Variants in KCNQ3 observed in about 807,000 individuals in gnomAD.
The protein encoded by KCNQ3 is potassium voltage-gated channel subfamily KQT member 3.
A neutral mutation model predicts 92.5 loss-of-function variants in KCNQ3; 30 were observed. The observed-to-expected ratio is 0.32, with a 90% CI of 0.24 to 0.44. The LOEUF is 0.44. Among genes scored for constraint, KCNQ3 ranks in the 20% least tolerant of loss-of-function variants. The pLI, the probability that KCNQ3 is intolerant of heterozygous loss-of-function variation, is 1.00. For synonymous variants in KCNQ3, 450 were observed against 468.8 expected (o/e 0.96, Z 0.52); for missense variants, 913 against 1,140.3 (o/e 0.80, Z 2.87).
intron 1 of KCNQ3, among the ~76,000 whole-genome samples, chr8:132,227,526 C>T (rs550838308): frequency 2.2e-4 from 33 of 152,308 alleles, no homozygotes; most frequent in African/African-American, 7.5e-4. Flanking sequence ...CGTGGACTTC[C>T]AGCCCCCAGA....
At chr8:132,471,871 C>T (rs574083822) in intron 1 of KCNQ3, among the ~76,000 whole-genome samples, 17 of 151,994 alleles carry the variant, frequency 1.1e-4, no homozygotes, top group African/African-American at 3.9e-4. Context: ...AACTATTCAT[C>T]GACAAGGGAC....
intron 1 of KCNQ3, among the ~76,000 whole-genome samples, chr8:132,415,933 G>A (rs1473548815): frequency 6.6e-6 from 1 of 152,170 alleles, no homozygotes; most frequent in Non-Finnish European, 1.5e-5. Flanking sequence ...CTACTCATGT[G>A]CATGAGAGCC....
intron 1 of KCNQ3, among the ~76,000 whole-genome samples, chr8:132,479,017 C>G (rs1587058587): frequency 6.6e-6 from 1 of 152,032 alleles, no homozygotes; most frequent in Non-Finnish European, 1.5e-5. Flanking sequence ...AATTCCCTGC[C>G]AAAACCCTGG....
At chr8:132,420,500 A>G (rs137881025) in intron 1 of KCNQ3, among the ~76,000 whole-genome samples, 269 of 152,306 alleles carry the variant, frequency 1.8e-3, no homozygotes, top group African/African-American at 6.2e-3. Flanking sequence ...ATCCAGCACC[A>G]GGACTTGATG....
chr8:132,214,573 C>G (rs1195975918), intron 1 of KCNQ3, among the ~76,000 whole-genome samples: 2 of 152,202 alleles, frequency 1.3e-5, no homozygotes, highest in African/African-American at 2.4e-5. Context: ...CCTCCCTTCT[C>G]CATATGCACA....
chr8:132,209,529 CCACACACACACACAAACACA>C (rs1563805711), intron 1 of KCNQ3, among the ~76,000 whole-genome samples: 1 of 112,728 alleles, frequency 8.9e-6, no homozygotes, highest in African/African-American at 3.7e-5. Context: ...GTAATTCACA[CCACACACACACACAAACACA>C]CACACACACA....
intron 1 of KCNQ3, among the ~76,000 whole-genome samples, chr8:132,433,007 A>G (rs888017636): frequency 9.9e-5 from 15 of 152,218 alleles, no homozygotes; most frequent in African/African-American, 3.6e-4. Context: ...TCTTTCCTAC[A>G]TGGTAGATGA....
At chr8:132,381,845 G>C (rs1230626397) in intron 1 of KCNQ3, among the ~76,000 whole-genome samples, 16 of 152,348 alleles carry the variant, frequency 1.1e-4, no homozygotes, top group Admixed American at 1.0e-3. Flanking sequence ...CAGGGGATCA[G>C]TAAGGCCTGG....
At chr8:132,387,968 AAGG>A (rs1008567973) in intron 1 of KCNQ3, among the ~76,000 whole-genome samples, 2 of 151,098 alleles carry the variant, frequency 1.3e-5, no homozygotes, top group East Asian at 1.9e-4. Flanking sequence ...GAAGAAGAAG[AAGG>A]AGGAGAAGAG....
chr8:132,133,711 T>G (rs1025457875), intron 13 of KCNQ3, among the ~76,000 whole-genome samples: 7 of 152,204 alleles, frequency 4.6e-5, no homozygotes, highest in African/African-American at 1.7e-4. Flanking sequence ...ACTCCCTCAC[T>G]CATTGTGTTA....
intron 1 of KCNQ3, among the ~76,000 whole-genome samples, chr8:132,434,476 T>G (rs1821341629): frequency 6.6e-6 from 1 of 152,190 alleles, no homozygotes; most frequent in Non-Finnish European, 1.5e-5. Flanking sequence ...CCTAGAACAG[T>G]GGCTGGCACA....
rs1414647847 is a variant in KCNQ3, at chr8:132,204,785, A to G, written c.387-18604T>C. Among the ~76,000 whole-genome samples, 6 of 152,234 alleles carry G rather than the reference A, an allele frequency of 3.9e-5. No individual in the cohort carries two copies. In the South Asian group the frequency reaches 8.3e-4, roughly 21 times the overall value. ...TATGAAATGAGGCTAATAAAATGAC[A>G]TTGTAGATATTTACATACCAGAGCG... On this transcript the variant is annotated intron_variant, in intron 1 of 14. Transcript: ENST00000388996.
At position 132,163,499 on chromosome 8, in the gene KCNQ3, AAAGAG is replaced by A; in HGVS notation, c.1236-10_1236-6del. ...GCTGCCTCCAGCTGTTCTTTCCTAGAAAGAGAAGAGGGAGAAAAAATAAAGCATAA... is the reference window on the plus strand; with the variant it reads ...GCTGCCTCCAGCTGTTCTTTCCTAGAAAGAGGGAGAAAAAATAAAGCATAA... On this transcript the variant is annotated splice_region_variant and splice_polypyrimidine_tract_variant and intron_variant, in intron 8 of 14. Transcript: ENST00000388996. The A allele has an allele frequency of 6.2e-7, 1 of 1,610,876 alleles. No homozygotes were observed. Among genetic ancestry groups the A allele is most frequent in the Non-Finnish European group, 8.5e-7 (1 of 1,177,062 alleles).
At chr8:132,318,734 C>T (rs541993831) in intron 1 of KCNQ3, among the ~76,000 whole-genome samples, 1 of 152,258 alleles carries the variant, frequency 6.6e-6, no homozygotes, top group African/African-American at 2.4e-5. Flanking sequence ...AGGAAGGGAA[C>T]GGATGTGATG....
At chr8:132,235,845 A>G (rs1814796212) in intron 1 of KCNQ3, among the ~76,000 whole-genome samples, 1 of 152,204 alleles carries the variant, frequency 6.6e-6, no homozygotes, top group African/African-American at 2.4e-5. Context: ...AATTAGAATA[A>G]GTTAGCACCT....
chr8:132,474,968 C>G (rs763187866), intron 1 of KCNQ3, among the ~76,000 whole-genome samples: 4 of 152,160 alleles, frequency 2.6e-5, no homozygotes, highest in Non-Finnish European at 4.4e-5. Flanking sequence ...GTGACTGAAT[C>G]ATGGGGGTGG....
At position 132,480,678 on chromosome 8, in the gene KCNQ3, C is replaced by CCG. The variant is rs1554660891; in HGVS notation, c.-147_-146insCG. 7.0e-5 allele frequency: 63 copies of CCG among 900,134 alleles called. 1 individual carries two copies. The highest frequency in any genetic ancestry group is 7.8e-5 in the Non-Finnish European group (58 of 740,246). 55.8% of individuals were successfully genotyped at this position (900,134 alleles called of 1,614,324 possible). The stretch of plus-strand genomic sequence containing the variant: ...TCCGCGCGCCCCTCCCCACCCCCCC[C>CCG]CAAAAGCAGGCAAAGGCGGGCCCCC... On this transcript the variant is annotated 5_prime_UTR_variant, in exon 1 of 15. Transcript: ENST00000388996.
chr8:132,387,142 G>A (rs1327384524), intron 1 of KCNQ3, among the ~76,000 whole-genome samples: 1 of 152,158 alleles, frequency 6.6e-6, no homozygotes, highest in African/African-American at 2.4e-5. Flanking sequence ...ATCTTGGTAG[G>A]AGAGTTTAGA....
intron 3 of KCNQ3, among the ~76,000 whole-genome samples, chr8:132,183,980 C>T (rs145412844): frequency 8.3e-4 from 126 of 152,226 alleles, no homozygotes; most frequent in African/African-American, 3.0e-3. Flanking sequence ...CTCCACAACC[C>T]AATTGCCAAG....
Sources: allele counts gnomAD v4.1 joint callset (sites outside exome capture counted in the v4.1 genomes callset), GRCh38; gene constraint gnomAD v4.1.1; transcripts MANE v1.5; gene names NCBI Gene and HGNC (gene_info 2026-07-23, HGNC 2026-07-21).